XKR6: variants seen among roughly 807,000 people sequenced by gnomAD.
XKR6 encodes the protein XK related 6.
A neutral mutation model predicts 56.7 loss-of-function variants in XKR6; 22 were observed. That is an observed-to-expected ratio of 0.39 (90% CI 0.28 to 0.55). XKR6 has a LOEUF of 0.55. Ranked by LOEUF, XKR6 falls within the 20% of genes least tolerant of loss-of-function variation. The pLI is 0.66. For missense variants in XKR6, 852 were observed against 889.0 expected (o/e 0.96, Z 0.53); for synonymous variants, 524 against 387.8 (o/e 1.35, Z -4.13).
intron 1 of XKR6, among the ~76,000 whole-genome samples, chr8:10,984,185 T>G (rs1037293113): frequency 6.6e-6 from 1 of 152,196 alleles, no homozygotes; most frequent in African/African-American, 2.4e-5. Flanking sequence ...ACTTTACATA[T>G]TAATAGATCA....
intron 2 of XKR6, among the ~76,000 whole-genome samples, chr8:10,908,617 G>A: frequency 6.6e-6 from 1 of 152,030 alleles, no homozygotes; most frequent in Non-Finnish European, 1.5e-5. Context: ...TTCTCACCAA[G>A]ACCTTTATGC....
In XKR6 at chr8:11,005,029, C is replaced by G. The variant is rs143510225; in HGVS notation, c.765-80199G>C. On this transcript the variant is annotated intron_variant, in intron 1 of 2. Transcript: ENST00000416569. ...AAAGTAGAACAGAATGTGGTACAGTCCCTCTGCAACCTTATCCATGGGAGA... is the reference window on the plus strand; with the variant it reads ...AAAGTAGAACAGAATGTGGTACAGTGCCTCTGCAACCTTATCCATGGGAGA... 1.9e-3 allele frequency among the ~76,000 whole-genome samples: 284 copies of G among 152,246 alleles called. 1 individual carries two copies. Among genetic ancestry groups the G allele is most frequent in the African/African-American group, 6.5e-3 (270 of 41,542 alleles).
intron 1 of XKR6, among the ~76,000 whole-genome samples, chr8:10,961,306 TGC>T (rs1554516290): frequency 6.6e-6 from 1 of 152,224 alleles, no homozygotes. Context: ...GGCAGCCAGT[TGC>T]TGACTGGCAT....
intron 1 of XKR6, chr8:11,124,025 C>T (rs1253716757): frequency 4.4e-6 from 2 of 456,058 alleles, no homozygotes; most frequent in East Asian, 7.0e-5. Context: ...CATCAAATCC[C>T]AAGCAATCTC....
intron 1 of XKR6, among the ~76,000 whole-genome samples, chr8:10,993,845 C>T (rs984604577): frequency 5.3e-5 from 8 of 152,214 alleles, no homozygotes; most frequent in African/African-American, 7.2e-5. Context: ...CCCTACCTCA[C>T]TCAGCCTTAG....
intron 1 of XKR6, chr8:11,124,311 C>G: frequency 3.0e-6 from 1 of 334,920 alleles, no homozygotes; most frequent in South Asian, 2.5e-5. Context: ...CCCTTCATTT[C>G]TACTGGACTC....
At chr8:11,179,618 A>AG (rs1250672131) in intron 1 of XKR6, among the ~76,000 whole-genome samples, 5 of 152,166 alleles carry the variant, frequency 3.3e-5, no homozygotes, top group Non-Finnish European at 7.3e-5. Context: ...AGGTTTCATC[A>AG]GGGGACTCCT....
chr8:11,189,669 T>C (rs972507377), intron 1 of XKR6, among the ~76,000 whole-genome samples: 1 of 152,208 alleles, frequency 6.6e-6, no homozygotes, highest in Admixed American at 6.5e-5. Context: ...CTCATAGATA[T>C]TGGCAGAAAT....
chr8:11,163,258 T>C lies in XKR6; in HGVS notation c.764+37318A>G, dbSNP rs113306925. On this transcript the variant is annotated intron_variant, in intron 1 of 2. Transcript: ENST00000416569. ...TAAACATGAGCAGATTTTAAACATA[T>C]AGTTTTGCATAAAGTATAAGCATTG... Among the ~76,000 whole-genome samples the C allele has an allele frequency of 2.1e-3, 318 of 152,340 alleles. 1 individual carries two copies. Among genetic ancestry groups the C allele is most frequent in the African/African-American group, 7.2e-3 (301 of 41,578 alleles).
At chr8:11,183,124 C>T (rs1435708450) in intron 1 of XKR6, among the ~76,000 whole-genome samples, 2 of 152,072 alleles carry the variant, frequency 1.3e-5, no homozygotes, top group Admixed American at 6.6e-5. Flanking sequence ...TTGATGAAGG[C>T]TTAGGTTGCT....
At chr8:11,090,247 G>A (rs1013419755) in intron 1 of XKR6, among the ~76,000 whole-genome samples, 2 of 152,064 alleles carry the variant, frequency 1.3e-5, no homozygotes, top group Non-Finnish European at 2.9e-5. Context: ...AACAGGCCCT[G>A]CTGAGTTTTA....
chr8:10,911,321 G>GTATA (rs372396079), intron 2 of XKR6, among the ~76,000 whole-genome samples: 17 of 128,220 alleles, frequency 1.3e-4, no homozygotes, highest in African/African-American at 4.7e-4. Flanking sequence ...GAGAGGGTGA[G>GTATA]TATATATATA....
intron 1 of XKR6, among the ~76,000 whole-genome samples, chr8:11,114,771 G>GTATA (rs1434597175): frequency 2.5e-5 from 2 of 81,160 alleles, no homozygotes; most frequent in Non-Finnish European, 7.4e-5. Flanking sequence ...GTGTGTGTGT[G>GTATA]TGTATGTGCC....
chr8:11,112,118 T>A (rs1397269586), intron 1 of XKR6, among the ~76,000 whole-genome samples: 2 of 152,338 alleles, frequency 1.3e-5, no homozygotes, highest in African/African-American at 2.4e-5. Context: ...CCTACTTAAT[T>A]ATAGAGTATT....
chr8:10,999,467 C>G (rs1480956349), intron 1 of XKR6, among the ~76,000 whole-genome samples: 1 of 152,180 alleles, frequency 6.6e-6, no homozygotes, highest in Non-Finnish European at 1.5e-5. Flanking sequence ...AGTGGACTTA[C>G]TAGTGAGAGT....
intron 1 of XKR6, among the ~76,000 whole-genome samples, chr8:11,133,452 C>A (rs1206919804): frequency 6.6e-6 from 1 of 152,066 alleles, no homozygotes. Context: ...AGGGCAAAAA[C>A]TAGGAGGAGA....
intron 1 of XKR6, among the ~76,000 whole-genome samples, chr8:11,037,772 C>A (rs563028933): frequency 6.6e-6 from 1 of 151,356 alleles, no homozygotes; most frequent in South Asian, 2.1e-4. Flanking sequence ...GCAGGAGATT[C>A]GTTTGAACCC....
chr8:10,929,398 C>T (rs566747911), intron 1 of XKR6, among the ~76,000 whole-genome samples: 132 of 152,350 alleles, frequency 8.7e-4, no homozygotes, highest in African/African-American at 2.7e-3. Context: ...AAAACATTCG[C>T]CTTGCTCTTC....
At chr8:11,044,313 C>T (rs1799355513) in intron 1 of XKR6, among the ~76,000 whole-genome samples, 1 of 152,194 alleles carries the variant, frequency 6.6e-6, no homozygotes, top group African/African-American at 2.4e-5. Flanking sequence ...GCATGCATTC[C>T]CCCTTCATGA....
Sources: gnomAD v4.1 joint callset for allele counts (sites outside exome capture counted in the v4.1 genomes callset) on GRCh38, gnomAD v4.1.1 for gene constraint, MANE v1.5 for transcripts, NCBI Gene and HGNC (gene_info 2026-07-23, HGNC 2026-07-21) for gene names.